Variants in BAHCC1 observed in about 807,000 individuals in gnomAD.
BAHCC1 encodes BAH domain and coiled-coil containing 1.
Under a neutral mutation model 88.2 loss-of-function variants are expected in BAHCC1, and 43 were observed. That is an observed-to-expected ratio of 0.49 (90% confidence interval 0.38 to 0.63). The LOEUF (loss-of-function observed/expected upper bound fraction) is 0.63. Among genes scored for constraint, BAHCC1 ranks in the 20% least tolerant of loss-of-function variants. BAHCC1 has a pLI of 0.00. For synonymous variants in BAHCC1, 1,510 were observed against 745.5 expected (o/e 2.03, Z -16.71); for missense variants, 3,023 against 1,654.8 (o/e 1.83, Z -14.34).
Position 81,442,866 on chromosome 17 carries a change from C to T in BAHCC1, c.1517C>T (p.Pro506Leu), listed in dbSNP as rs1265806257. Residue 506 changes from proline (P) to leucine (L), a missense_variant, in exon 5 of 28, where the codon CCT (proline) becomes CTT (leucine). Pro to Leu is a moderately conservative substitution (Grantham distance 98). Coordinates refer to ENST00000675386, the MANE Select transcript of BAHCC1 (RefSeq NM_001377448.1). ...LPTSSQDCAR[P>L]GHQDPLGGKA... is the part of the protein sequence containing the mutation. ...ACCTCTTCACAGGACTGTGCCCGGC[C>T]TGGTCACCAGGACCCGCTGGGCGGG... 8 of 779,338 alleles carry T rather than the reference C, an allele frequency of 1.0e-5. No homozygotes were observed. Among genetic ancestry groups the T allele is most frequent in the African/African-American group, 1.7e-5 (1 of 59,154 alleles). The allele number at this position is 779,338 out of a possible 1,614,324, so 48.3% of individuals were successfully genotyped here.
In BAHCC1 at chr17:81,444,488, C is replaced by T. The variant is rs1232990878; in HGVS notation, c.2432C>T (p.Pro811Leu). 3 of 707,970 alleles carry T rather than the reference C, an allele frequency of 4.2e-6. No individual in the cohort carries two copies. Among genetic ancestry groups the T allele is most frequent in the East Asian group, 2.7e-5 (1 of 37,412 alleles). The allele number at this position is 707,970 out of a possible 1,614,324, so 43.9% of individuals were successfully genotyped here. The change falls in exon 7 of 28, where the codon CCA (proline) becomes CTA (leucine). Residue 811 changes from proline to leucine, a missense_variant. By Grantham distance (98) the Pro-to-Leu change is moderately conservative. Coordinates refer to ENST00000675386, the MANE Select transcript of BAHCC1 (RefSeq NM_001377448.1). ...CAGAGCGGCCAGCTGGGCGGGGACC[C>T]AGCCCCCCACACCCACCCCCATCCC... ...MMQSGQLGGD[P>L]APHTHPHPPW...
chr17:81,462,244 G>C (rs1012539656), intron 26 of BAHCC1, among the ~76,000 whole-genome samples, 198 bp downstream of exon 26: 3 of 152,236 alleles, frequency 2.0e-5, no homozygotes, highest in Admixed American at 6.5e-5. Context: ...CCTCGCTGGA[G>C]CCCGTGGCCT....
chr17:81,399,837 C>T lies in BAHCC1; in HGVS notation c.98C>T (p.Ala33Val), dbSNP rs1267097732. Reference sequence around the variant, plus strand: ...GCTGCCGCCGCGCGTCTCGCCCCGGCTGGGCCCGCCGCGCAGCCCCCCGCA... The same window carrying T: ...GCTGCCGCCGCGCGTCTCGCCCCGGTTGGGCCCGCCGCGCAGCCCCCCGCA... ...SAAAAARLAP[A>V]GPAAQPPAHF... The change falls in exon 2 of 28, where the codon GCT becomes GTT. Residue 33 changes from alanine (A) to valine (V), a missense_variant. Physicochemically the swap from Ala to Val is moderately conservative, Grantham distance 64. Transcript: ENST00000675386. The surrounding 1 kb of genome is among the most constrained non-coding windows in gnomAD (Gnocchi z 4.5). The T allele has an allele frequency of 5.9e-6, 8 of 1,358,786 alleles. No homozygotes were observed. The highest frequency in any genetic ancestry group is 3.6e-5 in the Admixed American group (1 of 27,550). 84.2% of individuals were successfully genotyped at this position (1,358,786 alleles called of 1,614,324 possible).
intron 2 of BAHCC1, among the ~76,000 whole-genome samples, chr17:81,421,044 T>C (rs1272338134): frequency 1.3e-5 from 2 of 152,240 alleles, no homozygotes; most frequent in Non-Finnish European, 2.9e-5. Context: ...CTTGGGAGCA[T>C]GATGGCACTA....
chr17:81,444,715 G>A lies in BAHCC1; in HGVS notation c.2560G>A (p.Ala854Thr), dbSNP rs543197440. ...CCAGAACCTGCCCCCCGGCTTCCCC[G>A]CCTCCGTGGCTGGCCCTGTGCCCTC... ...LHQNLPPGFP[A>T]SVAGPVPSVF... Residue 854 changes from alanine (A) to threonine (T), a missense_variant, in exon 8 of 28, where the codon GCC (alanine) becomes ACC (threonine). Coordinates refer to ENST00000675386, the MANE Select transcript of BAHCC1 (RefSeq NM_001377448.1). 4.4e-5 allele frequency: 34 copies of A among 777,582 alleles called. No individual in the cohort carries two copies. Among genetic ancestry groups the A allele is most frequent in the Admixed American group, 2.0e-4 (12 of 58,960 alleles). The allele number at this position is 777,582 out of a possible 1,614,324, so 48.2% of individuals were successfully genotyped here. A position where few individuals can be genotyped will look rare whatever the true frequency, so the allele number is the denominator to read the frequency against.
At position 81,444,380 on chromosome 17, in the gene BAHCC1, G is replaced by A; in HGVS notation, c.2325-1G>A. The stretch of plus-strand genomic sequence containing the variant: ...GCAGGGCTGAGCCCCAGGTCTTACA[G>A]GGACAGCAAAGACCGCGTAGAGTTC... On this transcript the variant is annotated splice_acceptor_variant, in intron 6 of 27. Transcript: ENST00000675386. LOFTEE classifies it high-confidence loss of function. 1.4e-6 allele frequency: 1 copy of A among 735,954 alleles called. No homozygotes were observed. Among genetic ancestry groups the A allele is most frequent in the Admixed American group, 1.9e-5 (1 of 53,834 alleles). The allele number at this position is 735,954 out of a possible 1,614,324, so 45.6% of individuals were successfully genotyped here.
rs781828330 is a variant in BAHCC1, at chr17:81,445,609, C to T, written c.3091C>T (p.Arg1031Trp). ...TGCCAGCAGCCCCGGGCCTGGCTCC[C>T]GGGTGCGCAGCGCCGAGGAAAAGAA... is the stretch of plus-strand genomic sequence containing the variant. Reference protein sequence around the residue: ...CPASSPGPGSRVRSAEEKNGE... With the variant: ...CPASSPGPGSWVRSAEEKNGE... The change falls in exon 10 of 28, where the codon CGG becomes TGG. Residue 1031 changes from arginine to tryptophan, a missense_variant. By Grantham distance (101) the Arg-to-Trp change is moderately radical. Transcript: ENST00000675386. 31 of 729,494 alleles carry T rather than the reference C, an allele frequency of 4.2e-5. No homozygotes were observed. The highest frequency in any genetic ancestry group is 3.8e-4 in the South Asian group (26 of 68,294). The allele number at this position is 729,494 out of a possible 1,614,324, so 45.2% of individuals were successfully genotyped here.
At chr17:81,398,662 T>C (rs1567988894) in intron 1 of BAHCC1, among the ~76,000 whole-genome samples, 1 of 152,180 alleles carries the variant, frequency 6.6e-6, no homozygotes, top group African/African-American at 2.4e-5. Context: ...CCTGGGCGAA[T>C]TTGATTGGGG....
At position 81,452,009 on chromosome 17, in the gene BAHCC1, G is replaced by C. The variant is rs782800762; in HGVS notation, c.4218G>C (p.Thr1406=). ...AGGCCGCCATCGACCGGCTGGACAC[G>C]CAGGAGGTGGGGATGCGCGTGCGGC... ...PLKAAIDRLD[T]QEVGMRVRLA... Residue 1406 remains threonine (T), a synonymous_variant, in exon 13 of 28, where the codon ACG becomes ACC. Transcript: ENST00000675386. 3.1e-6 allele frequency: 2 copies of C among 637,720 alleles called. No homozygotes were observed. Among genetic ancestry groups the C allele is most frequent in the Non-Finnish European group, 5.6e-6 (2 of 358,858 alleles). 39.5% of individuals were successfully genotyped at this position (637,720 alleles called of 1,614,324 possible). A position where few individuals can be genotyped will look rare whatever the true frequency, so the allele number is the denominator to read the frequency against.
intron 2 of BAHCC1, among the ~76,000 whole-genome samples, chr17:81,406,460 C>G (rs1176681524): frequency 6.6e-6 from 1 of 152,192 alleles, no homozygotes; most frequent in African/African-American, 2.4e-5. Flanking sequence ...ACCGAAGACA[C>G]AGTGTAACAA....
intron 2 of BAHCC1, among the ~76,000 whole-genome samples, chr17:81,420,533 G>A (rs567143695): frequency 1.3e-5 from 2 of 152,364 alleles, no homozygotes; most frequent in East Asian, 3.9e-4. Flanking sequence ...GGCTGTGCCC[G>A]AGGACCTGAG....
chr17:81,405,735 C>T lies in BAHCC1; in HGVS notation c.178+5818C>T, dbSNP rs530203191. ...TTCCTTCTGGAAGAGGCTTCTGGGC[C>T]CCCCGGTCTGGCTTCCTCCCTACCA... On this transcript the variant is annotated intron_variant, in intron 2 of 27. Coordinates refer to ENST00000675386, the MANE Select transcript of BAHCC1 (RefSeq NM_001377448.1). Among the ~76,000 whole-genome samples the T allele has an allele frequency of 3.3e-5, 5 of 152,276 alleles. No homozygotes were observed. The East Asian group carries it at 7.7e-4, about 24-fold the overall frequency.
intron 4 of BAHCC1, among the ~76,000 whole-genome samples, chr17:81,441,069 C>T (rs1477658379): frequency 6.6e-6 from 1 of 151,810 alleles, no homozygotes; most frequent in Non-Finnish European, 1.5e-5. Context: ...GCCCCGCGTC[C>T]CCCGAAAATC....
At chr17:81,409,882 G>A (rs1436738219) in intron 2 of BAHCC1, among the ~76,000 whole-genome samples, 1 of 152,122 alleles carries the variant, frequency 6.6e-6, no homozygotes, top group Non-Finnish European at 1.5e-5. Flanking sequence ...TCACATTGTG[G>A]GTTTTGCCTT....
chr17:81,446,305 G>A (rs2143546915), intron 10 of BAHCC1, among the ~76,000 whole-genome samples: 1 of 151,098 alleles, frequency 6.6e-6, no homozygotes, highest in Non-Finnish European at 1.5e-5. Context: ...TGCAGTTAAT[G>A]GGACATGATG....
At position 81,445,130 on chromosome 17, in the gene BAHCC1, G is replaced by A. The variant is rs782344722; in HGVS notation, c.2787G>A (p.Arg929=). The A allele has an allele frequency of 7.8e-6, 6 of 773,752 alleles. No homozygotes were observed. The highest frequency in any genetic ancestry group is 2.3e-4 in the Middle Eastern group (1 of 4,422). The allele number at this position is 773,752 out of a possible 1,614,324, so 47.9% of individuals were successfully genotyped here. A position where few individuals can be genotyped will look rare whatever the true frequency, so the allele number is the denominator to read the frequency against. ...TGTACTCGAGGCCGCAGCTCCTCCG[G>A]CAGCAGGAGCTCTATGCTTTGCAGC... The part of the protein sequence containing the change: ...LPVYSRPQLL[R]QQELYALQQQ... The change falls in exon 9 of 28, where the codon CGG becomes CGA. Residue 929 remains arginine (R), a synonymous_variant. Coordinates refer to ENST00000675386, the MANE Select transcript of BAHCC1 (RefSeq NM_001377448.1).
intron 16 of BAHCC1, 61 bp downstream of exon 16, chr17:81,456,646 G>A: frequency 1.5e-6 from 1 of 659,860 alleles, no homozygotes; most frequent in Non-Finnish European, 2.8e-6. Flanking sequence ...TCGGGGGCTG[G>A]AGGAGGGGGC....
intron 2 of BAHCC1, among the ~76,000 whole-genome samples, chr17:81,414,018 C>T (rs782210009): frequency 1.3e-5 from 2 of 152,238 alleles, no homozygotes; most frequent in Non-Finnish European, 2.9e-5. Flanking sequence ...GGAGCTGGCC[C>T]TGGACCTGGC....
intron 8 of BAHCC1, 42 bp downstream of exon 8, chr17:81,444,868 G>A (rs949497905): frequency 2.7e-6 from 2 of 743,966 alleles, no homozygotes; most frequent in Non-Finnish European, 5.0e-6. Flanking sequence ...GGGGGGTGCT[G>A]TTGGAAGGAG....
Sources: allele counts gnomAD v4.1 joint callset (sites outside exome capture counted in the v4.1 genomes callset), GRCh38; gene constraint gnomAD v4.1.1; non-coding constraint Gnocchi (gnomAD v3.1); transcripts MANE v1.5; gene names NCBI Gene and HGNC (gene_info 2026-07-23, HGNC 2026-07-21).